Variants in CPA6 observed in about 807,000 individuals in gnomAD.
The protein encoded by CPA6 is carboxypeptidase B.
Under a neutral mutation model 63.3 loss-of-function variants are expected in CPA6, and 58 were observed. The ratio of observed to expected loss-of-function variants is 0.92; its 90% CI spans 0.74 to 1.14. The LOEUF (loss-of-function observed/expected upper bound fraction) is 1.14. CPA6 is among the 50% of genes most tolerant of loss of function. The pLI, the probability that CPA6 is intolerant of heterozygous loss-of-function variation, is 0.00. For missense variants in CPA6, 565 were observed against 526.6 expected (o/e 1.07, Z -0.71); for synonymous variants, 185 against 179.0 (o/e 1.03, Z -0.27).
At chr8:67,572,773 A>G (rs1247938100) in intron 2 of CPA6, among the ~76,000 whole-genome samples, 7 of 152,238 alleles carry the variant, frequency 4.6e-5, no homozygotes, top group Admixed American at 4.6e-4. Context: ...AATACTTCCA[A>G]ATTCTTTTTG....
chr8:67,560,007 G>A (rs148587907), intron 2 of CPA6, among the ~76,000 whole-genome samples: 3 of 151,980 alleles, frequency 2.0e-5, no homozygotes, highest in South Asian at 2.1e-4. Flanking sequence ...CTCAACAGAC[G>A]TCAAATCTGT....
chr8:67,612,810 C>T (rs986207431), intron 2 of CPA6, among the ~76,000 whole-genome samples: 2 of 152,120 alleles, frequency 1.3e-5, no homozygotes, highest in South Asian at 4.1e-4. Flanking sequence ...ATATGCATCC[C>T]TAATAGCTGT....
At chr8:67,507,781 C>G (rs1051047608) in intron 5 of CPA6, among the ~76,000 whole-genome samples, 5 of 152,100 alleles carry the variant, frequency 3.3e-5, no homozygotes, top group Non-Finnish European at 7.4e-5. Flanking sequence ...AATGTGGCTT[C>G]TCAGAAGAGG....
At chr8:67,744,515 G>A (rs775330098) in intron 1 of CPA6, among the ~76,000 whole-genome samples, 6 of 152,128 alleles carry the variant, frequency 3.9e-5, no homozygotes, top group African/African-American at 7.2e-5. Context: ...AACTTTTCAC[G>A]GAGGAGTGCC....
chr8:67,435,422 G>A (rs1810127957), intron 8 of CPA6, among the ~76,000 whole-genome samples: 1 of 152,114 alleles, frequency 6.6e-6, no homozygotes, highest in Non-Finnish European at 1.5e-5. Flanking sequence ...CACAGATGTT[G>A]GGGGCTGGAG....
chr8:67,468,293 G>A (rs144320797), intron 8 of CPA6, among the ~76,000 whole-genome samples: 67 of 152,070 alleles, frequency 4.4e-4, no homozygotes, highest in African/African-American at 1.5e-3. Context: ...AAATCTTTCA[G>A]TGAAATTGAT....
At chr8:67,451,373 G>A (rs975627612) in intron 8 of CPA6, among the ~76,000 whole-genome samples, 3 of 152,180 alleles carry the variant, frequency 2.0e-5, no homozygotes, top group Non-Finnish European at 4.4e-5. Context: ...GGGGATCTAG[G>A]TTGTGTGCTC....
At chr8:67,535,699 C>T (rs901002231) in intron 2 of CPA6, among the ~76,000 whole-genome samples, 1 of 152,134 alleles carries the variant, frequency 6.6e-6, no homozygotes, top group Non-Finnish European at 1.5e-5. Context: ...TGCAGAAGCT[C>T]TTCAGTTTAA....
intron 8 of CPA6, among the ~76,000 whole-genome samples, chr8:67,447,212 A>G (rs1346996720): frequency 1.3e-5 from 2 of 151,844 alleles, no homozygotes; most frequent in African/African-American, 2.4e-5. Context: ...TTTTTCTTCA[A>G]TGATATTTTG....
At chr8:67,685,689 C>T (rs1277632090) in intron 1 of CPA6, among the ~76,000 whole-genome samples, 2 of 152,310 alleles carry the variant, frequency 1.3e-5, no homozygotes, top group Middle Eastern at 3.4e-3. Flanking sequence ...CTCATCGTGC[C>T]TGTAAAAAAT....
chr8:67,647,964 T>A (rs915196583), intron 1 of CPA6, among the ~76,000 whole-genome samples: 4 of 152,188 alleles, frequency 2.6e-5, no homozygotes, highest in Non-Finnish European at 5.9e-5. Flanking sequence ...CCCACTGGGA[T>A]ATTGGGTATC....
At chr8:67,525,121 A>C (rs2128967922) in intron 2 of CPA6, among the ~76,000 whole-genome samples, 1 of 152,284 alleles carries the variant, frequency 6.6e-6, no homozygotes, top group Middle Eastern at 3.4e-3. Flanking sequence ...TTGGCCAAAG[A>C]TTATGGTCTT....
chr8:67,591,881 C>T (rs1245354031), intron 2 of CPA6, among the ~76,000 whole-genome samples: 6 of 152,114 alleles, frequency 3.9e-5, no homozygotes, highest in Admixed American at 6.5e-5. Flanking sequence ...CCTTTATTTC[C>T]TTCTCCTGCC....
intron 1 of CPA6, among the ~76,000 whole-genome samples, chr8:67,697,445 G>A (rs1293557890): frequency 6.6e-6 from 1 of 152,196 alleles, no homozygotes; most frequent in African/African-American, 2.4e-5. Flanking sequence ...ACTTCTTTAA[G>A]CTTGGGTTTC....
chr8:67,604,657 C>T (rs1194132292), intron 2 of CPA6, among the ~76,000 whole-genome samples: 1 of 152,150 alleles, frequency 6.6e-6, no homozygotes, highest in Non-Finnish European at 1.5e-5. Flanking sequence ...GGCACAGAGT[C>T]CCTTAATAAA....
chr8:67,678,578 A>G (rs1478813758), intron 1 of CPA6, among the ~76,000 whole-genome samples: 2 of 152,234 alleles, frequency 1.3e-5, no homozygotes, highest in Non-Finnish European at 2.9e-5. Context: ...ATGCAACACC[A>G]TCATGTATTC....
intron 2 of CPA6, among the ~76,000 whole-genome samples, chr8:67,589,644 T>C (rs1408658567): frequency 6.6e-6 from 1 of 152,198 alleles, no homozygotes; most frequent in African/African-American, 2.4e-5. Flanking sequence ...TGTCAAGTTT[T>C]ATAAACATCC....
intron 2 of CPA6, among the ~76,000 whole-genome samples, chr8:67,594,975 GT>G (rs1814281758): frequency 6.6e-6 from 1 of 152,118 alleles, no homozygotes; most frequent in Non-Finnish European, 1.5e-5. Flanking sequence ...AGAGTTTCCA[GT>G]TTTTCTGCTC....
chr8:67,573,822 G>A (rs1813550003), intron 2 of CPA6, among the ~76,000 whole-genome samples: 1 of 142,982 alleles, frequency 7.0e-6, no homozygotes, highest in Admixed American at 7.3e-5. Flanking sequence ...AACCCGGGAG[G>A]CAGAGCTTGC....
Sources: allele counts gnomAD v4.1 joint callset (sites outside exome capture counted in the v4.1 genomes callset), GRCh38; gene constraint gnomAD v4.1.1; transcripts MANE v1.5; gene names NCBI Gene and HGNC (gene_info 2026-07-23, HGNC 2026-07-21).